TPRG1: variants seen among roughly 807,000 people sequenced by gnomAD.
TPRG1 encodes the protein tumor protein p63-regulated gene 1 protein.
A neutral mutation model predicts 29.3 loss-of-function variants in TPRG1; 29 were observed. The ratio of observed to expected loss-of-function variants is 0.99; its 90% CI spans 0.74 to 1.35. The LOEUF (loss-of-function observed/expected upper bound fraction) is 1.35, where lower values mean the gene tolerates loss of function less well. Among genes scored for constraint, TPRG1 ranks in the 40% most tolerant of loss-of-function variants. The pLI is 0.00. For synonymous variants in TPRG1, 130 were observed against 116.8 expected, an observed-to-expected ratio of 1.11 and a Z score of -0.73; for missense variants, 327 against 335.0, an observed-to-expected ratio of 0.98 and a Z score of 0.19.
intron 3 of TPRG1, among the ~76,000 whole-genome samples, chr3:189,228,327 C>T (rs1287132670): frequency 6.6e-6 from 1 of 151,860 alleles, no homozygotes; most frequent in South Asian, 2.1e-4. Context: ...AAAAATAGAA[C>T]TATAGATCAG....
At chr3:189,082,198 G>A (rs909952732) in intron 4 of TPRG1, among the ~76,000 whole-genome samples, 4 of 152,186 alleles carry the variant, frequency 2.6e-5, no homozygotes, top group Admixed American at 6.5e-5. Flanking sequence ...AGGTAAGCAT[G>A]TACCCTGGAA....
Position 189,212,190 on chromosome 3 carries a change from A to G in TPRG1, c.211-3102A>G, listed in dbSNP as rs546246185. 2.0e-5 allele frequency: 3 copies of G among 152,298 alleles called. No homozygotes were observed. The East Asian group carries it at 5.8e-4, about 29-fold the overall frequency. 9.4% of individuals were successfully genotyped at this position (152,298 alleles called of 1,614,324 possible). ...TCTAAATTTATACTCGAGAATGTAA[A>G]TTACATACAAACTAATGGGACTAAA... is the stretch of plus-strand genomic sequence containing the variant. On this transcript the variant is annotated intron_variant, in intron 2 of 5. Coordinates refer to ENST00000345063, the MANE Select transcript of TPRG1 (RefSeq NM_198485.4).
chr3:189,309,442 G>T (rs1415380409), intron 4 of TPRG1, among the ~76,000 whole-genome samples: 1 of 152,156 alleles, frequency 6.6e-6, no homozygotes, highest in East Asian at 1.9e-4. Context: ...AGACATCCGT[G>T]AAGTTCCATA....
intron 3 of TPRG1, among the ~76,000 whole-genome samples, chr3:189,017,498 T>C (rs894545542): frequency 6.6e-6 from 1 of 152,156 alleles, no homozygotes; most frequent in African/African-American, 2.4e-5. Flanking sequence ...TTTGTTCTTG[T>C]GATAGTTTAC....
At chr3:189,254,954 C>T (rs1711574367) in intron 4 of TPRG1, among the ~76,000 whole-genome samples, 1 of 152,110 alleles carries the variant, frequency 6.6e-6, no homozygotes, top group Admixed American at 6.6e-5. Context: ...AATATACAGT[C>T]ATGTCATTTA....
At chr3:189,173,540 A>G (rs1455592335) in intron 1 of TPRG1, among the ~76,000 whole-genome samples, 1 of 151,474 alleles carries the variant, frequency 6.6e-6, no homozygotes, top group African/African-American at 2.4e-5. Context: ...GGGTTTCACC[A>G]TGTTGGTCAG....
At chr3:189,079,300 A>G (rs1717430210) in intron 4 of TPRG1, among the ~76,000 whole-genome samples, 1 of 152,118 alleles carries the variant, frequency 6.6e-6, no homozygotes, top group Non-Finnish European at 1.5e-5. Context: ...CCCACCTCCA[A>G]CATTGGGGAA....
chr3:189,075,358 C>T (rs1469557713), intron 4 of TPRG1, among the ~76,000 whole-genome samples: 1 of 152,064 alleles, frequency 6.6e-6, no homozygotes, highest in Admixed American at 6.5e-5. Flanking sequence ...TGTTCTCGAA[C>T]TCCTGACCTC....
intron 5 of TPRG1, among the ~76,000 whole-genome samples, chr3:189,157,121 G>C (rs1245825609): frequency 1.3e-5 from 2 of 152,184 alleles, no homozygotes; most frequent in Non-Finnish European, 2.9e-5. Flanking sequence ...TGTAAATTGA[G>C]AGTGCTACAG....
At chr3:189,159,672 G>C (rs2108625897) in intron 5 of TPRG1, among the ~76,000 whole-genome samples, 1 of 152,234 alleles carries the variant, frequency 6.6e-6, no homozygotes, top group South Asian at 2.1e-4. Flanking sequence ...TTCAGTGGCT[G>C]GTGTGGTTTA....
intron 5 of TPRG1, among the ~76,000 whole-genome samples, chr3:189,317,113 C>T (rs1723661061): frequency 6.6e-6 from 1 of 152,116 alleles, no homozygotes; most frequent in African/African-American, 2.4e-5. Context: ...ACAGAGGATT[C>T]TTAAGGAAAG....
chr3:189,116,445 G>A (rs1721183280), intron 1 of TPRG1, among the ~76,000 whole-genome samples: 3 of 152,098 alleles, frequency 2.0e-5, no homozygotes, highest in Admixed American at 6.6e-5. Flanking sequence ...CCAAAGTGCT[G>A]GGATTACAGA....
chr3:189,183,289 G>T (rs940481974), intron 1 of TPRG1, among the ~76,000 whole-genome samples: 2 of 152,148 alleles, frequency 1.3e-5, no homozygotes, highest in African/African-American at 4.8e-5. Context: ...ACGAATAGGT[G>T]TGGGTCACAG....
upstream of TPRG1, among the ~76,000 whole-genome samples, chr3:189,095,956 G>A (rs1718649197): frequency 6.6e-6 from 1 of 152,152 alleles, no homozygotes; most frequent in Admixed American, 6.6e-5. Context: ...TTTGCACTTG[G>A]CATGAATCAT....
chr3:189,176,773 G>A (rs115664564), intron 1 of TPRG1, among the ~76,000 whole-genome samples: 7 of 152,204 alleles, frequency 4.6e-5, no homozygotes, highest in South Asian at 2.1e-4. Flanking sequence ...AAAATAAGGC[G>A]TGGAACGAAC....
At chr3:189,188,570 C>T (rs963826385) in intron 1 of TPRG1, among the ~76,000 whole-genome samples, 2 of 152,140 alleles carry the variant, frequency 1.3e-5, no homozygotes, top group Non-Finnish European at 2.9e-5. Flanking sequence ...TGCTATAAGA[C>T]TAGAATTTCT....
chr3:189,261,435 G>C (rs1157388592), intron 4 of TPRG1, among the ~76,000 whole-genome samples: 2 of 151,342 alleles, frequency 1.3e-5, no homozygotes, highest in African/African-American at 4.9e-5. Context: ...AAAGAAAAAA[G>C]CCATTGACTT....
intron 4 of TPRG1, among the ~76,000 whole-genome samples, chr3:189,248,781 T>C (rs1741728684): frequency 6.6e-6 from 1 of 151,248 alleles, no homozygotes; most frequent in African/African-American, 2.4e-5. Context: ...TTGTGTTCAG[T>C]GAATGTCTTC....
At chr3:189,253,749 C>T (rs1388011700) in intron 4 of TPRG1, among the ~76,000 whole-genome samples, 1 of 152,334 alleles carries the variant, frequency 6.6e-6, no homozygotes, top group Admixed American at 6.5e-5. Context: ...TCTCCACATC[C>T]TCTCCAGCAT....
Sources: gnomAD v4.1 joint callset for allele counts (sites outside exome capture counted in the v4.1 genomes callset) on GRCh38, gnomAD v4.1.1 for gene constraint, MANE v1.5 for transcripts, NCBI Gene and HGNC (gene_info 2026-07-23, HGNC 2026-07-21) for gene names.